The following ARMC6 variants were observed in gnomAD, a reference collection of about 807,000 sequenced individuals.
ARMC6 encodes armadillo repeat-containing protein 6.
ARMC6 carries 43 observed loss-of-function variants against 49.2 expected under a neutral mutation model. That is an observed-to-expected ratio of 0.87 (90% CI 0.69 to 1.13). The LOEUF (loss-of-function observed/expected upper bound fraction) is 1.13. ARMC6 is among the 50% of genes most tolerant of loss of function. The probability of loss-of-function intolerance (pLI) is 0.00; values close to 1 mark genes in which losing one functional copy is unlikely to be tolerated. For synonymous variants in ARMC6, 262 were observed against 289.6 expected, an observed-to-expected ratio of 0.90 and a Z score of 0.97; for missense variants, 627 against 682.0, an observed-to-expected ratio of 0.92 and a Z score of 0.90.
intron 6 of ARMC6, 106 bp downstream of exon 6, chr19:19,054,427 A>G: frequency 2.4e-6 from 3 of 1,254,344 alleles, no homozygotes; most frequent in Non-Finnish European, 3.2e-6. Context: ...TCGGAACCAA[A>G]GTGCAGTTTT....
chr19:19,034,117 A>C lies in ARMC6; in HGVS notation c.-79-14A>C. On this transcript the variant is annotated splice_polypyrimidine_tract_variant and intron_variant, in intron 1 of 8. Transcript: ENST00000535612. Reference sequence around the variant, plus strand: ...CATTCGCTTTATTTTCATTCATTTTATTTATTCATTCAGCACCTGTGCACT... The same window carrying C: ...CATTCGCTTTATTTTCATTCATTTTCTTTATTCATTCAGCACCTGTGCACT... 1 of 803,806 alleles carries C rather than the reference A, an allele frequency of 1.2e-6. No homozygotes were observed. 49.8% of individuals were successfully genotyped at this position (803,806 alleles called of 1,614,324 possible).
In ARMC6 at chr19:19,052,114, C is replaced by T; in HGVS notation, c.772C>T (p.Pro258Ser). 1 of 1,613,862 alleles carries T rather than the reference C, an allele frequency of 6.2e-7. No individual in the cohort carries two copies. Among genetic ancestry groups the T allele is most frequent in the Non-Finnish European group, 8.5e-7 (1 of 1,180,022 alleles). The change falls in exon 5 of 9, where the codon CCC becomes TCC. Residue 258 changes from proline (P) to serine (S), a missense_variant. Coordinates refer to ENST00000535612, the MANE Select transcript of ARMC6 (RefSeq NM_001199196.2). ...VMTFDDDIRV[P>S]FGHAHNHAKM... ...GACCTTCGATGACGACATCCGTGTG[C>T]CCTTTGGCCATGCCCACAACCATGC...
At chr19:19,039,837 ACT>A (rs2059398061) in intron 2 of ARMC6, among the ~76,000 whole-genome samples, 1 of 150,826 alleles carries the variant, frequency 6.6e-6, no homozygotes, top group Non-Finnish European at 1.5e-5. Flanking sequence ...TTTGTTGAAA[ACT>A]CTGGGTGTTT....
Position 19,033,891 on chromosome 19 carries a change from C to T in ARMC6, c.-119C>T, listed in dbSNP as rs74182618. On this transcript the variant is annotated 5_prime_UTR_variant, in exon 1 of 9. Coordinates refer to ENST00000535612, the MANE Select transcript of ARMC6 (RefSeq NM_001199196.2). ...CTAGAGGCGGCTCCCTGGGTGACAA[C>T]CGCGCGCCCCACCTTTCCCCACGTG... The T allele has an allele frequency of 1.9e-3, 737 of 387,996 alleles. 1 individual carries two copies. Among genetic ancestry groups the T allele is most frequent in the Non-Finnish European group, 1.7e-3 (373 of 213,400 alleles). The allele number at this position is 387,996 out of a possible 1,614,324, so 24.0% of individuals were successfully genotyped here.
Position 19,055,524 on chromosome 19 carries a change from GCT to G in ARMC6, c.1155+132_1155+133del. The G allele has an allele frequency of 7.4e-7, 1 of 1,344,188 alleles. No homozygotes were observed. Among genetic ancestry groups the G allele is most frequent in the Non-Finnish European group, 1.0e-6 (1 of 1,004,594 alleles). The allele number at this position is 1,344,188 out of a possible 1,614,324, so 83.3% of individuals were successfully genotyped here. A position where few individuals can be genotyped will look rare whatever the true frequency, so the allele number is the denominator to read the frequency against. On this transcript the variant is annotated intron_variant, in intron 7 of 8. Transcript: ENST00000535612. The surrounding 1 kb of genome is among the most constrained non-coding windows in gnomAD (Gnocchi z 5.7). The stretch of plus-strand genomic sequence containing the variant: ...GGGCTGGTGAGGGTCGTGGGCATTG[GCT>G]CTCAAATGCTGACCTGCGTATGCAT...
At chr19:19,056,063 C>T (rs999136277) in intron 8 of ARMC6, 135 bp downstream of exon 8, 1 of 1,049,200 alleles carries the variant, frequency 9.5e-7, no homozygotes, top group African/African-American at 1.6e-5. Context: ...ATCCCTGTCC[C>T]TGTCCCTCCC....
intron 3 of ARMC6, among the ~76,000 whole-genome samples, 182 bp downstream of exon 3, chr19:19,043,059 C>G (rs758923157): frequency 6.6e-6 from 1 of 152,244 alleles, no homozygotes; most frequent in Non-Finnish European, 1.5e-5. Flanking sequence ...CACCTCTCAC[C>G]TGCTTCCACC....
intron 2 of ARMC6, among the ~76,000 whole-genome samples, chr19:19,034,943 G>A (rs1189865202): frequency 6.8e-6 from 1 of 146,678 alleles, no homozygotes; most frequent in Admixed American, 6.8e-5. Context: ...CTCACTGCAA[G>A]CTCCGTCTCC....
chr19:19,057,396 A>G lies in ARMC6; in HGVS notation c.1294-20A>G. Reference sequence around the variant, plus strand: ...ACCCCAAAGCCCCATCTGGCAGCTCACAGCTGCTCTCTCCTACAGAAACAG... The same window carrying G: ...ACCCCAAAGCCCCATCTGGCAGCTCGCAGCTGCTCTCTCCTACAGAAACAG... On this transcript the variant is annotated intron_variant, in intron 8 of 8. Coordinates refer to ENST00000535612, the MANE Select transcript of ARMC6 (RefSeq NM_001199196.2). 1 of 1,604,786 alleles carries G rather than the reference A, an allele frequency of 6.2e-7. No individual in the cohort carries two copies.
intron 3 of ARMC6, 125 bp downstream of exon 3, chr19:19,043,002 C>A: frequency 8.4e-7 from 1 of 1,196,614 alleles, no homozygotes; most frequent in Non-Finnish European, 1.2e-6. Context: ...GCCATTGGGC[C>A]CTGTCCCCTC....
chr19:19,040,040 T>C (rs1391472767), intron 2 of ARMC6, among the ~76,000 whole-genome samples: 2 of 152,214 alleles, frequency 1.3e-5, no homozygotes, highest in African/African-American at 4.8e-5. Context: ...ACTTCAGCTG[T>C]GTGATAGCCA....
intron 3 of ARMC6, 42 bp from the exon 4 acceptor site, chr19:19,043,950 T>C (rs370115654): frequency 1.2e-4 from 195 of 1,580,718 alleles, no homozygotes; most frequent in Non-Finnish European, 1.6e-4. Flanking sequence ...GCTGTCACTT[T>C]CTTTCTGACC....
rs755311283 is a variant in ARMC6, at chr19:19,055,841, C to G, written c.1206C>G (p.Pro402=). 7 of 1,611,686 alleles carry G rather than the reference C, an allele frequency of 4.3e-6. No individual in the cohort carries two copies. The highest frequency in any genetic ancestry group is 5.9e-6 in the Non-Finnish European group (7 of 1,178,620). ...AALCFLALRK[P]DNSRIIVEGG... ...TGTGCTTCCTGGCCCTGCGTAAGCC[C>G]GACAACAGCCGCATCATCGTGGAGG... Residue 402 remains proline (P), a synonymous_variant, in exon 8 of 9, where the codon CCC becomes CCG. Coordinates refer to ENST00000535612, the MANE Select transcript of ARMC6 (RefSeq NM_001199196.2). This position sits in a 1 kb window ranked among gnomAD's most constrained non-coding sequence, Gnocchi z 5.7.
chr19:19,054,080 A>G, intron 5 of ARMC6, 72 bp from the exon 6 acceptor site: 1 of 1,399,406 alleles, frequency 7.1e-7, no homozygotes, highest in South Asian at 1.5e-5. Context: ...GTGGAGCAGG[A>G]TCTCCACCAA....
chr19:19,051,825 C>G lies in ARMC6; in HGVS notation c.483C>G (p.Ala161=). 1.2e-6 allele frequency: 2 copies of G among 1,614,078 alleles called. No homozygotes were observed. Among genetic ancestry groups the G allele is most frequent in the Non-Finnish European group, 1.7e-6 (2 of 1,179,992 alleles). The change falls in exon 5 of 9, where the codon GCC becomes GCG. Residue 161 remains alanine (A), a synonymous_variant. Transcript: ENST00000535612. The part of the protein sequence containing the change: ...DQGLLLQSLN[A]LSVLTDGQPD... ...GCCTTCTGCTCCAGTCCCTCAATGC[C>G]CTGTCGGTGCTGACTGATGGACAGC... is the stretch of plus-strand genomic sequence containing the variant.
rs1195798665 is a variant in ARMC6, at chr19:19,033,649, G to T, written c.-361G>T. ...AGCGCGCTGTCCGCTTCTTCTGGGCGGACGCTCTGGAGGCAAAACATTTCC... is the reference window on the plus strand; with the variant it reads ...AGCGCGCTGTCCGCTTCTTCTGGGCTGACGCTCTGGAGGCAAAACATTTCC... On this transcript the variant is annotated 5_prime_UTR_variant, in exon 1 of 9. Coordinates refer to ENST00000535612, the MANE Select transcript of ARMC6 (RefSeq NM_001199196.2). 4 of 988,706 alleles carry T rather than the reference G, an allele frequency of 4.0e-6. No homozygotes were observed. The African/African-American group carries it at 5.1e-5, about 13-fold the overall frequency. 61.2% of individuals were successfully genotyped at this position (988,706 alleles called of 1,614,324 possible).
chr19:19,034,763 ATT>A (rs374571780), intron 2 of ARMC6, among the ~76,000 whole-genome samples: 3,374 of 120,714 alleles, frequency 0.028, 128 homozygotes, highest in African/African-American at 0.098. Context: ...TAAATTTTGT[ATT>A]TTTTTTTTTT....
intron 4 of ARMC6, among the ~76,000 whole-genome samples, chr19:19,050,590 T>A (rs1473373051): frequency 6.6e-6 from 1 of 152,258 alleles, no homozygotes; most frequent in African/African-American, 2.4e-5. Context: ...AGTGGCCATT[T>A]GTATGTATTC....
At chr19:19,044,617 G>A (rs750808713) in intron 4 of ARMC6, among the ~76,000 whole-genome samples, 14 of 152,236 alleles carry the variant, frequency 9.2e-5, no homozygotes, top group African/African-American at 1.7e-4. Context: ...CCGTAAGGTC[G>A]CCCATCAAAC....
Sources: allele counts gnomAD v4.1 joint callset (sites outside exome capture counted in the v4.1 genomes callset), GRCh38; gene constraint gnomAD v4.1.1; non-coding constraint Gnocchi (gnomAD v3.1); transcripts MANE v1.5; gene names NCBI Gene and HGNC (gene_info 2026-07-23, HGNC 2026-07-21).